The following SPACA7 variants were observed in gnomAD, a reference collection of about 807,000 sequenced individuals.
SPACA7 encodes sperm acrosome-associated protein 7.
A neutral mutation model predicts 26.3 loss-of-function variants in SPACA7; 19 were observed. The ratio of observed to expected loss-of-function variants is 0.72; its 90% CI spans 0.50 to 1.06. SPACA7 has a LOEUF of 1.06. Ranked by LOEUF, SPACA7 falls within the 50% of genes least tolerant of loss-of-function variation. The pLI, the probability that SPACA7 is intolerant of heterozygous loss-of-function variation, is 0.00. For missense variants in SPACA7, 211 were observed against 229.9 expected, an observed-to-expected ratio of 0.92 and a Z score of 0.53; for synonymous variants, 84 against 84.5, an observed-to-expected ratio of 0.99 and a Z score of 0.04.
At chr13:112,411,172 T>TA (rs58713595) in intron 5 of SPACA7, among the ~76,000 whole-genome samples, 5,101 of 147,722 alleles carry the variant, frequency 0.035, 96 homozygotes, top group Middle Eastern at 0.069. Flanking sequence ...CTTTAAATTA[T>TA]AAAAAAAAAA....
chr13:112,416,432 A>C (rs538490114), intron 5 of SPACA7, among the ~76,000 whole-genome samples: 5 of 151,910 alleles, frequency 3.3e-5, no homozygotes, highest in Non-Finnish European at 5.9e-5. Context: ...GATTATAGGC[A>C]CCTGCCACCA....
At chr13:112,390,400 C>T (rs558130457) in intron 1 of SPACA7, among the ~76,000 whole-genome samples, 2 of 152,252 alleles carry the variant, frequency 1.3e-5, no homozygotes, top group Admixed American at 6.5e-5. Flanking sequence ...ACCTTGCCCA[C>T]GTGCAATTGA....
chr13:112,402,294 C>T (rs997666015), intron 5 of SPACA7, among the ~76,000 whole-genome samples: 4 of 152,180 alleles, frequency 2.6e-5, no homozygotes, highest in Non-Finnish European at 5.9e-5. Context: ...AGTCTACTTT[C>T]TTGCTATTAG....
At chr13:112,387,856 TAAG>T (rs541353994) in intron 1 of SPACA7, among the ~76,000 whole-genome samples, 171 of 152,250 alleles carry the variant, frequency 1.1e-3, no homozygotes, top group Non-Finnish European at 2.2e-3. Context: ...AAAACACACA[TAAG>T]AAAACAAACA....
At chr13:112,396,973 G>C (rs1885309959) in intron 2 of SPACA7, among the ~76,000 whole-genome samples, 1 of 152,188 alleles carries the variant, frequency 6.6e-6, no homozygotes, top group Non-Finnish European at 1.5e-5. Context: ...TCCTCGCAGA[G>C]CTGGTAGACT....
intron 5 of SPACA7, among the ~76,000 whole-genome samples, chr13:112,405,071 C>G (rs1243490264): frequency 6.6e-6 from 1 of 150,834 alleles, no homozygotes; most frequent in African/African-American, 2.4e-5. Flanking sequence ...CAAGCTCCGC[C>G]TCCCGGGTTC....
chr13:112,406,806 G>C (rs897933969), intron 5 of SPACA7, among the ~76,000 whole-genome samples: 6 of 152,132 alleles, frequency 3.9e-5, no homozygotes, highest in African/African-American at 1.4e-4. Context: ...TTCTTCAGGA[G>C]ATAAATATTC....
In SPACA7 at chr13:112,392,974, A is replaced by C. The variant is rs368084440; in HGVS notation, c.95-47A>C. The C allele has an allele frequency of 1.5e-4, 239 of 1,550,420 alleles. 1 individual carries two copies. Among genetic ancestry groups the C allele is most frequent in the Non-Finnish European group, 1.9e-4 (216 of 1,127,014 alleles). The stretch of plus-strand genomic sequence containing the variant: ...TATCCATTTAAAGAGAAAAATATGC[A>C]AATTCAATGAACATTGTTAAACTGT... On this transcript the variant is annotated intron_variant, in intron 1 of 6. Coordinates refer to ENST00000283550, the MANE Select transcript of SPACA7 (RefSeq NM_145248.5).
In SPACA7 at chr13:112,422,320, T is replaced by C. The variant is rs111615192; in HGVS notation, c.446-10124T>C. On this transcript the variant is annotated intron_variant, in intron 5 of 6. Transcript: ENST00000283550. Reference sequence around the variant, plus strand: ...AAGCCAACCTTGATAGAAATGAAAGTAAAAGCAGACAAATCTATAGTTACA... The same window carrying C: ...AAGCCAACCTTGATAGAAATGAAAGCAAAAGCAGACAAATCTATAGTTACA... Among the ~76,000 whole-genome samples the C allele has an allele frequency of 1.7e-3, 257 of 152,270 alleles. 2 individuals carry two copies. Among genetic ancestry groups the C allele is most frequent in the African/African-American group, 5.3e-3 (219 of 41,562 alleles).
intron 5 of SPACA7, among the ~76,000 whole-genome samples, chr13:112,417,454 C>A (rs1054966154): frequency 1.3e-5 from 2 of 151,904 alleles, no homozygotes; most frequent in African/African-American, 4.8e-5. Context: ...ATTTTGATTG[C>A]TTTGATATAA....
intron 4 of SPACA7, among the ~76,000 whole-genome samples, chr13:112,399,733 A>G (rs1395259459): frequency 6.6e-6 from 1 of 152,236 alleles, no homozygotes; most frequent in Non-Finnish European, 1.5e-5. Flanking sequence ...ATATGAGTCC[A>G]TTCTCACACT....
chr13:112,433,141 A>C (rs1426757595), intron 6 of SPACA7, among the ~76,000 whole-genome samples: 1 of 150,668 alleles, frequency 6.6e-6, no homozygotes, highest in Non-Finnish European at 1.5e-5. Flanking sequence ...ATGGCAGCCC[A>C]GTGTGCCCAG....
Position 112,434,343 on chromosome 13 carries a change from A to G in SPACA7, c.524-142A>G, listed in dbSNP as rs553034362. The G allele has an allele frequency of 1.8e-5, 13 of 703,414 alleles. No homozygotes were observed. In the East Asian group the frequency reaches 2.2e-4, roughly 12 times the overall value. The allele number at this position is 703,414 out of a possible 1,614,324, so 43.6% of individuals were successfully genotyped here. On this transcript the variant is annotated intron_variant, in intron 6 of 6. Transcript: ENST00000283550. ...GCCCCCCTCCCGGTCCTCCTGCCCC[A>G]GACACATCCGCAGGGCTCTCCCCTC...
At chr13:112,376,715 C>G (rs894592130) in intron 1 of SPACA7, among the ~76,000 whole-genome samples, 4 of 152,114 alleles carry the variant, frequency 2.6e-5, no homozygotes, top group African/African-American at 9.7e-5. Context: ...AAATTTCTAA[C>G]TGGGAAGAAT....
At chr13:112,405,693 T>G (rs1280757545) in intron 5 of SPACA7, among the ~76,000 whole-genome samples, 1 of 152,218 alleles carries the variant, frequency 6.6e-6, no homozygotes, top group East Asian at 1.9e-4. Flanking sequence ...CTTTTGATTA[T>G]GTTGTTTAAG....
chr13:112,392,677 T>C (rs542716820), intron 1 of SPACA7, among the ~76,000 whole-genome samples: 1 of 152,298 alleles, frequency 6.6e-6, no homozygotes, highest in South Asian at 2.1e-4. Flanking sequence ...AGCAGCTGGG[T>C]GAGCCCAGTC....
intron 4 of SPACA7, among the ~76,000 whole-genome samples, chr13:112,399,446 A>C (rs1348841215): frequency 6.6e-6 from 1 of 152,236 alleles, no homozygotes; most frequent in Admixed American, 6.5e-5. Context: ...ATGCCAAGAC[A>C]GGGAGGCAGG....
chr13:112,415,834 G>T (rs1455686109), intron 5 of SPACA7, among the ~76,000 whole-genome samples: 1 of 152,128 alleles, frequency 6.6e-6, no homozygotes, highest in Admixed American at 6.5e-5. Flanking sequence ...CAGGACTCAG[G>T]TTCATCCTGC....
chr13:112,377,307 T>A (rs1883758264), intron 1 of SPACA7, among the ~76,000 whole-genome samples: 1 of 152,242 alleles, frequency 6.6e-6, no homozygotes, highest in Non-Finnish European at 1.5e-5. Flanking sequence ...TAAAAATTGA[T>A]TATCCTTGCA....
Sources: allele counts gnomAD v4.1 joint callset (sites outside exome capture counted in the v4.1 genomes callset), GRCh38; gene constraint gnomAD v4.1.1; transcripts MANE v1.5; gene names NCBI Gene and HGNC (gene_info 2026-07-23, HGNC 2026-07-21).